The following APPL2 variants were observed in gnomAD, a reference collection of about 807,000 sequenced individuals.
APPL2 encodes the protein adaptor protein, phosphotyrosine interacting with PH domain and leucine zipper 2, also known as DCC-interacting protein 13-beta.
APPL2 carries 84 observed loss-of-function variants against 92.7 expected under a neutral mutation model. The observed-to-expected ratio is 0.91, with a 90% CI of 0.76 to 1.09. The LOEUF is 1.09. Ranked by LOEUF, APPL2 falls within the 50% of genes least tolerant of loss-of-function variation. The pLI is 0.00. For missense variants in APPL2, 736 were observed against 824.5 expected (o/e 0.89, Z 1.31); for synonymous variants, 291 against 291.0 (o/e 1.00, Z 0.00).
intron 10 of APPL2, among the ~76,000 whole-genome samples, chr12:105,198,957 A>T (rs933431262): frequency 1.3e-5 from 2 of 152,246 alleles, no homozygotes; most frequent in African/African-American, 2.4e-5. Context: ...AATCAGTATG[A>T]ATCGAACTGA....
In APPL2 at chr12:105,225,830, T is replaced by C. The variant is rs190958124; in HGVS notation, c.153+3295A>G. ...TGCTCATAGAAGTTTTCCTCTAGTTTTTCTTGTTCTTCCTCTTTCTAAAAC... is the reference window on the plus strand; with the variant it reads ...TGCTCATAGAAGTTTTCCTCTAGTTCTTCTTGTTCTTCCTCTTTCTAAAAC... On this transcript the variant is annotated intron_variant, in intron 2 of 20. Transcript: ENST00000258530. Among the ~76,000 whole-genome samples, 3 of 152,380 alleles carry C rather than the reference T, an allele frequency of 2.0e-5. No individual in the cohort carries two copies. In the East Asian group the frequency reaches 5.8e-4, roughly 29 times the overall value.
chr12:105,186,656 C>CGAT (rs1324098673), intron 17 of APPL2, among the ~76,000 whole-genome samples: 7 of 47,674 alleles, frequency 1.5e-4, no homozygotes, highest in East Asian at 2.4e-3. Context: ...ATATCGATAT[C>CGAT]ATATATATCA....
At chr12:105,190,185 C>T in intron 14 of APPL2, 30 bp from the exon 15 acceptor site, 1 of 1,592,804 alleles carries the variant, frequency 6.3e-7, no homozygotes, top group Non-Finnish European at 8.5e-7. Context: ...ATTCCCTTAA[C>T]CTTACGCTTT....
At chr12:105,198,875 A>C (rs1887893210) in intron 10 of APPL2, among the ~76,000 whole-genome samples, 2 of 152,346 alleles carry the variant, frequency 1.3e-5, no homozygotes, top group South Asian at 4.1e-4. Context: ...CTGCTCACAG[A>C]AATACTTAAA....
chr12:105,220,790 TCA>T (rs1890039782), intron 2 of APPL2, among the ~76,000 whole-genome samples: 2 of 152,180 alleles, frequency 1.3e-5, no homozygotes, highest in Admixed American at 1.3e-4. Context: ...CATGTGCCAC[TCA>T]CACAGCCACA....
intron 2 of APPL2, among the ~76,000 whole-genome samples, chr12:105,222,853 G>C (rs1355312027): frequency 6.6e-6 from 1 of 152,212 alleles, no homozygotes; most frequent in Non-Finnish European, 1.5e-5. Context: ...AGGGAGAGGA[G>C]GAAGGAAGAA....
intron 20 of APPL2, among the ~76,000 whole-genome samples, chr12:105,175,693 G>A (rs573392630): frequency 1.7e-4 from 26 of 152,332 alleles, no homozygotes; most frequent in African/African-American, 6.0e-4. Flanking sequence ...TGTCAATGCT[G>A]TGGGGCATGT....
At chr12:105,185,009 G>A (rs61940665) in intron 17 of APPL2, among the ~76,000 whole-genome samples, 321 of 152,242 alleles carry the variant, frequency 2.1e-3, no homozygotes, top group Non-Finnish European at 3.0e-3. Context: ...ATGGCGCTGC[G>A]GCAGGCTCAG....
At chr12:105,197,728 A>C in intron 11 of APPL2, 37 bp downstream of exon 11, 1 of 1,612,520 alleles carries the variant, frequency 6.2e-7, no homozygotes. Flanking sequence ...GAACCACTAT[A>C]CTCATTCTCC....
chr12:105,205,606 G>A (rs528993395), intron 8 of APPL2, among the ~76,000 whole-genome samples: 3 of 152,336 alleles, frequency 2.0e-5, no homozygotes, highest in South Asian at 4.1e-4. Context: ...AGCACTGACC[G>A]ATCAGGACCA....
intron 17 of APPL2, among the ~76,000 whole-genome samples, chr12:105,185,425 A>G (rs1406498589): frequency 6.6e-6 from 1 of 152,128 alleles, no homozygotes; most frequent in Non-Finnish European, 1.5e-5. Context: ...GCGGGCTGCA[A>G]AGACAGTGGC....
At chr12:105,198,097 G>C (rs543209346) in intron 10 of APPL2, 144 bp from the exon 11 acceptor site, 1 of 763,874 alleles carries the variant, frequency 1.3e-6, no homozygotes, top group Non-Finnish European at 2.1e-6. Context: ...GCCCATTCAA[G>C]TGGAAAGAGC....
chr12:105,187,722 G>T (rs905849074), intron 17 of APPL2, among the ~76,000 whole-genome samples: 2 of 152,110 alleles, frequency 1.3e-5, no homozygotes, highest in Admixed American at 1.3e-4. Flanking sequence ...TAGAAATTTG[G>T]TATGTATTTA....
At chr12:105,225,227 C>A (rs1205372242) in intron 2 of APPL2, among the ~76,000 whole-genome samples, 7 of 151,898 alleles carry the variant, frequency 4.6e-5, no homozygotes, top group African/African-American at 1.5e-4. Flanking sequence ...GGTTTGTCAT[C>A]TGGTGGAAGA....
chr12:105,230,519 G>T (rs1390667023), intron 1 of APPL2, among the ~76,000 whole-genome samples: 1 of 152,182 alleles, frequency 6.6e-6, no homozygotes, highest in Non-Finnish European at 1.5e-5. Flanking sequence ...TGCCTTTGAG[G>T]TGATATCAAA....
intron 17 of APPL2, among the ~76,000 whole-genome samples, chr12:105,186,210 T>C (rs929844738): frequency 2.0e-5 from 3 of 152,178 alleles, no homozygotes; most frequent in South Asian, 2.1e-4. Flanking sequence ...TTTCAGATTT[T>C]AGAATACTTG....
intron 17 of APPL2, among the ~76,000 whole-genome samples, chr12:105,179,189 A>G (rs11112398): frequency 0.13 from 19,235 of 152,058 alleles, 1,333 homozygotes; most frequent in East Asian, 0.25. Flanking sequence ...TCCTGTGCCT[A>G]TATGTTCTCA....
intron 19 of APPL2, 38 bp downstream of exon 19, chr12:105,176,838 G>C: frequency 6.2e-7 from 1 of 1,604,646 alleles, no homozygotes; most frequent in South Asian, 1.1e-5. Context: ...GACTTGTTTG[G>C]ACTGGGATAT....
At chr12:105,188,506 A>G in intron 16 of APPL2, 59 bp from the exon 17 acceptor site, 1 of 1,580,462 alleles carries the variant, frequency 6.3e-7, no homozygotes, top group South Asian at 1.1e-5. Context: ...GTTGATCTGC[A>G]TACCAGGGTC....
Sources: gnomAD v4.1 joint callset for allele counts (sites outside exome capture counted in the v4.1 genomes callset) on GRCh38, gnomAD v4.1.1 for gene constraint, MANE v1.5 for transcripts, NCBI Gene and HGNC (gene_info 2026-07-23, HGNC 2026-07-21) for gene names.